The following FOXP1 variants were observed in gnomAD, a reference collection of about 807,000 sequenced individuals.
The protein encoded by FOXP1 is forkhead box protein P1.
In FOXP1, 15 loss-of-function variants were observed where a neutral mutation model predicts 98.2. That is an observed-to-expected ratio of 0.15 (90% CI 0.10 to 0.24). The LOEUF is 0.24. Ranked by LOEUF, FOXP1 falls within the 10% of genes least tolerant of loss-of-function variation. The probability of loss-of-function intolerance (pLI) is 1.00; values close to 1 mark genes in which losing one functional copy is unlikely to be tolerated. For synonymous variants in FOXP1, 371 were observed against 314.5 expected, an observed-to-expected ratio of 1.18 and a Z score of -1.90; for missense variants, 633 against 848.5, an observed-to-expected ratio of 0.75 and a Z score of 3.15.
At chr3:71,507,713 G>A (rs1011807450) in intron 2 of FOXP1, among the ~76,000 whole-genome samples, 12 of 152,078 alleles carry the variant, frequency 7.9e-5, no homozygotes, top group African/African-American at 2.9e-4. Context: ...GAGTAGCTGG[G>A]ACTACAGGCA....
At chr3:71,059,309 C>G (rs554754879) in intron 7 of FOXP1, among the ~76,000 whole-genome samples, 1 of 152,212 alleles carries the variant, frequency 6.6e-6, no homozygotes, top group East Asian at 1.9e-4. Context: ...TTCTTTTTGT[C>G]TTTAAATTCT....
intron 5 of FOXP1, among the ~76,000 whole-genome samples, chr3:71,264,487 T>C (rs1426907914): frequency 6.6e-6 from 1 of 152,226 alleles, no homozygotes; most frequent in Middle Eastern, 3.2e-3. Flanking sequence ...TGGAGAGCCA[T>C]GAATGGTGTT....
chr3:71,053,780 T>C lies in FOXP1; in HGVS notation c.283-7A>G. 6.2e-7 allele frequency: 1 copy of C among 1,613,752 alleles called. No individual in the cohort carries two copies. Among genetic ancestry groups the C allele is most frequent in the Admixed American group, 1.7e-5 (1 of 59,970 alleles). On this transcript the variant is annotated splice_polypyrimidine_tract_variant and splice_region_variant and intron_variant, in intron 7 of 20. Coordinates refer to ENST00000649528, the MANE Select transcript of FOXP1 (RefSeq NM_001349338.3). ...TAGCCACTGACACGGGAACCTAGAA[T>C]GTTAATGAAGGATAAATAGGAAGCC...
Position 71,258,644 on chromosome 3 carries a change from C to T in FOXP1, c.-12+41176G>A, listed in dbSNP as rs144955274. Reference sequence around the variant, plus strand: ...AGGCAAGGACAGGAAGGGCAGAAAGCAGGAGAGACTTCAGAGGTCAAATAA... The same window carrying T: ...AGGCAAGGACAGGAAGGGCAGAAAGTAGGAGAGACTTCAGAGGTCAAATAA... On this transcript the variant is annotated intron_variant, in intron 5 of 20. Coordinates refer to ENST00000649528, the MANE Select transcript of FOXP1 (RefSeq NM_001349338.3). Among the ~76,000 whole-genome samples the T allele has an allele frequency of 3.3e-5, 5 of 152,234 alleles. No individual in the cohort carries two copies. The East Asian group carries it at 9.6e-4, about 29-fold the overall frequency.
intron 19 of FOXP1, among the ~76,000 whole-genome samples, chr3:70,967,847 CT>C (rs776280762): frequency 6.6e-6 from 1 of 151,464 alleles, no homozygotes; most frequent in Non-Finnish European, 1.5e-5. Flanking sequence ...ATAAGATAAG[CT>C]CTCATAAGAC....
At chr3:71,103,771 G>A (rs963071177) in intron 7 of FOXP1, among the ~76,000 whole-genome samples, 3 of 152,182 alleles carry the variant, frequency 2.0e-5, no homozygotes, top group Non-Finnish European at 4.4e-5. Context: ...GACAGGGAAC[G>A]TGACCTCTGC....
At chr3:71,322,162 C>T (rs2075426491) in intron 4 of FOXP1, among the ~76,000 whole-genome samples, 1 of 152,156 alleles carries the variant, frequency 6.6e-6, no homozygotes, top group South Asian at 2.1e-4. Context: ...TAGGGAACAC[C>T]ATTCTGTACT....
At chr3:71,533,753 T>C (rs1488678179) in intron 2 of FOXP1, among the ~76,000 whole-genome samples, 3 of 152,230 alleles carry the variant, frequency 2.0e-5, no homozygotes, top group Non-Finnish European at 4.4e-5. Flanking sequence ...CTCCATCTTA[T>C]TCTTTTGTTG....
chr3:71,251,476 G>T (rs774742568), intron 5 of FOXP1, among the ~76,000 whole-genome samples: 1 of 152,132 alleles, frequency 6.6e-6, no homozygotes, highest in African/African-American at 2.4e-5. Flanking sequence ...GCCATACAAC[G>T]TTATAAATAC....
intron 7 of FOXP1, among the ~76,000 whole-genome samples, chr3:71,066,865 G>A (rs2052581260): frequency 6.6e-6 from 1 of 152,178 alleles, no homozygotes; most frequent in Non-Finnish European, 1.5e-5. Flanking sequence ...TAGTCTGCAG[G>A]TGCATCAAAA....
intron 2 of FOXP1, among the ~76,000 whole-genome samples, chr3:71,532,616 T>C (rs2043950360): frequency 1.3e-5 from 2 of 152,204 alleles, no homozygotes; most frequent in South Asian, 4.1e-4. Context: ...AAACTCACAG[T>C]GTTGGCAAGA....
At chr3:71,293,305 A>G (rs1280509291) in intron 5 of FOXP1, among the ~76,000 whole-genome samples, 1 of 152,196 alleles carries the variant, frequency 6.6e-6, no homozygotes, top group Non-Finnish European at 1.5e-5. Context: ...AACATCATTT[A>G]AAAAATACAT....
intron 2 of FOXP1, among the ~76,000 whole-genome samples, chr3:71,557,820 G>C (rs930218307): frequency 6.6e-6 from 1 of 150,812 alleles, no homozygotes; most frequent in Non-Finnish European, 1.5e-5. Context: ...ATTTTTGTTT[G>C]TTTATTTATT....
At chr3:71,217,736 CAGG>C (rs752541924) in intron 5 of FOXP1, among the ~76,000 whole-genome samples, 4 of 152,092 alleles carry the variant, frequency 2.6e-5, no homozygotes, top group African/African-American at 4.8e-5. Flanking sequence ...ATGAGCTTTA[CAGG>C]AAGTGAAATC....
At chr3:71,072,239 A>T (rs556495774) in intron 7 of FOXP1, among the ~76,000 whole-genome samples, 2 of 152,162 alleles carry the variant, frequency 1.3e-5, no homozygotes, top group Non-Finnish European at 2.9e-5. Context: ...GGATCGCTTG[A>T]GCCCTGGAGG....
chr3:71,333,188 G>A (rs963140477), intron 4 of FOXP1: 11 of 152,172 alleles, frequency 7.2e-5, no homozygotes, highest in African/African-American at 2.4e-4. Context: ...ATAAGAGAAA[G>A]GCCTCCCCAA....
chr3:71,056,588 G>T (rs2050678416), intron 7 of FOXP1, among the ~76,000 whole-genome samples: 1 of 152,194 alleles, frequency 6.6e-6, no homozygotes, highest in African/African-American at 2.4e-5. Flanking sequence ...TGAATAATCA[G>T]AAGTGGGCTA....
chr3:71,291,040 C>T (rs995718231), intron 5 of FOXP1, among the ~76,000 whole-genome samples: 1 of 152,198 alleles, frequency 6.6e-6, no homozygotes, highest in Non-Finnish European at 1.5e-5. Context: ...ACCCTATTTA[C>T]ACAGCAACCC....
chr3:71,345,397 T>TAC (rs71120315), intron 4 of FOXP1, among the ~76,000 whole-genome samples: 4,193 of 141,638 alleles, frequency 0.03, 94 homozygotes, highest in African/African-American at 0.06. Flanking sequence ...CAAATATATA[T>TAC]ACACACACAC....
Sources: gnomAD v4.1 joint callset for allele counts (sites outside exome capture counted in the v4.1 genomes callset) on GRCh38, gnomAD v4.1.1 for gene constraint, MANE v1.5 for transcripts, NCBI Gene and HGNC (gene_info 2026-07-23, HGNC 2026-07-21) for gene names.